The following PDE4D variants were observed in gnomAD, a reference collection of about 807,000 sequenced individuals.
PDE4D encodes 3',5'-cyclic-AMP phosphodiesterase 4D.
PDE4D carries 24 observed loss-of-function variants against 87.4 expected under a neutral mutation model. The ratio of observed to expected loss-of-function variants is 0.27; its 90% CI spans 0.20 to 0.39. PDE4D has a LOEUF of 0.39. PDE4D is among the 10% of genes least tolerant of loss of function. The pLI is 1.00. For synonymous variants in PDE4D, 384 were observed against 383.2 expected (o/e 1.00, Z -0.02); for missense variants, 714 against 1,041.0 (o/e 0.69, Z 4.32).
chr5:59,705,519 G>GA (rs1753257688), intron 1 of PDE4D, among the ~76,000 whole-genome samples: 1 of 152,098 alleles, frequency 6.6e-6, no homozygotes, highest in African/African-American at 2.4e-5. Context: ...TCTTTGAAAA[G>GA]AGAAACCATG....
intron 1 of PDE4D, among the ~76,000 whole-genome samples, chr5:60,384,495 G>A (rs963871220): frequency 6.6e-6 from 1 of 152,126 alleles, no homozygotes; most frequent in Non-Finnish European, 1.5e-5. Context: ...CCTGAAGTCT[G>A]ACCTTGCCAA....
At chr5:60,205,748 G>A (rs767248574) in intron 1 of PDE4D, among the ~76,000 whole-genome samples, 2 of 150,232 alleles carry the variant, frequency 1.3e-5, no homozygotes, top group Non-Finnish European at 3.0e-5. Context: ...AAAAAAATTA[G>A]CCAGGCGTGG....
intron 2 of PDE4D, among the ~76,000 whole-genome samples, chr5:60,024,968 C>A (rs1766468957): frequency 6.6e-6 from 1 of 151,894 alleles, no homozygotes. Context: ...GGTAGAACTC[C>A]TGGCAAGGGA....
At chr5:59,212,617 A>T (rs184253437) in intron 2 of PDE4D, among the ~76,000 whole-genome samples, 7 of 152,234 alleles carry the variant, frequency 4.6e-5, no homozygotes, top group African/African-American at 1.7e-4. Flanking sequence ...AAATATATGT[A>T]TATATTTAAT....
At chr5:59,996,612 T>A (rs1763549395) in intron 2 of PDE4D, among the ~76,000 whole-genome samples, 1 of 152,178 alleles carries the variant, frequency 6.6e-6, no homozygotes, top group Admixed American at 6.5e-5. Context: ...TTATGCCAAA[T>A]GTTTTTCCTC....
chr5:59,134,583 A>G (rs568168651), intron 5 of PDE4D, among the ~76,000 whole-genome samples: 15 of 152,318 alleles, frequency 9.8e-5, no homozygotes, highest in African/African-American at 3.6e-4. Context: ...CACATTTTAT[A>G]GAGAAAGCTA....
chr5:58,983,281 G>A (rs905493171), intron 11 of PDE4D, among the ~76,000 whole-genome samples: 1 of 152,252 alleles, frequency 6.6e-6, no homozygotes, highest in Non-Finnish European at 1.5e-5. Context: ...GCGACCACAT[G>A]TGTAGGCTGG....
chr5:59,812,615 G>A (rs1191880103), intron 1 of PDE4D, among the ~76,000 whole-genome samples: 1 of 151,918 alleles, frequency 6.6e-6, no homozygotes, highest in Non-Finnish European at 1.5e-5. Context: ...GGACGTTGCA[G>A]TGAGCCAAGA....
chr5:59,982,232 T>A (rs17375146), intron 3 of PDE4D, among the ~76,000 whole-genome samples: 40,232 of 152,058 alleles, frequency 0.26, 5,797 homozygotes, highest in Admixed American at 0.35. Flanking sequence ...ATACTAGGGA[T>A]GAGAAAGTGT....
At chr5:60,026,407 T>A (rs985841856) in intron 2 of PDE4D, among the ~76,000 whole-genome samples, 1 of 152,156 alleles carries the variant, frequency 6.6e-6, no homozygotes, top group Non-Finnish European at 1.5e-5. Flanking sequence ...TCTGGCCTTA[T>A]CTTCACACAT....
At chr5:59,868,315 T>C (rs1747342507) in intron 1 of PDE4D, among the ~76,000 whole-genome samples, 2 of 151,976 alleles carry the variant, frequency 1.3e-5, no homozygotes, top group South Asian at 4.2e-4. Flanking sequence ...GTGAGAAGAG[T>C]GACAATGTTT....
rs554329824 is a variant in PDE4D at position 60,063,362 on chromosome 5, T to C, written c.43-74645A>G. 3.9e-5 allele frequency among the ~76,000 whole-genome samples: 6 copies of C among 152,182 alleles called. No homozygotes were observed. In the East Asian group the frequency reaches 5.8e-4, roughly 15 times the overall value. On this transcript the variant is annotated intron_variant, in intron 2 of 16. Transcript: ENST00000502484. ...AAGTACAGAGAGGTTGGAAAAGGTG[T>C]GGGAAGTAGCATCAAGAAGGATGTT...
chr5:60,350,229 ATCAG>A (rs1053575700), intron 1 of PDE4D, among the ~76,000 whole-genome samples: 28 of 152,306 alleles, frequency 1.8e-4, no homozygotes, highest in African/African-American at 6.7e-4. Context: ...GTTCGAGCCT[ATCAG>A]TCAGTCTTGA....
intron 1 of PDE4D, among the ~76,000 whole-genome samples, chr5:60,304,651 C>CAAAAAAAAAAAAAAA (rs70975379): frequency 1.2e-3 from 71 of 60,054 alleles, no homozygotes; most frequent in African/African-American, 5.3e-3. Flanking sequence ...GACTCCGTCT[C>CAAAAAAAAAAAAAAA]AAAAAAAAAA....
intron 2 of PDE4D, among the ~76,000 whole-genome samples, chr5:60,153,457 T>C (rs1176832688): frequency 6.6e-6 from 1 of 152,212 alleles, no homozygotes; most frequent in Non-Finnish European, 1.5e-5. Context: ...TGGAAAACTG[T>C]ATGAAGCTTC....
chr5:60,028,490 TATA>T (rs1464825077), intron 2 of PDE4D, among the ~76,000 whole-genome samples: 3 of 152,208 alleles, frequency 2.0e-5, no homozygotes, highest in Admixed American at 2.0e-4. Context: ...TCTTCCTCAG[TATA>T]ATTTTTCCTT....
intron 1 of PDE4D, among the ~76,000 whole-genome samples, chr5:60,209,194 T>C (rs181788492): frequency 0.024 from 3,541 of 148,036 alleles, 51 homozygotes; most frequent in Middle Eastern, 0.073. Context: ...TTTCTTTTTT[T>C]TTTTTTTTTT....
intron 1 of PDE4D, among the ~76,000 whole-genome samples, chr5:59,343,231 T>C (rs977478164): frequency 1.2e-4 from 18 of 152,168 alleles, no homozygotes; most frequent in Admixed American, 3.3e-4. Flanking sequence ...TTGTTCTTAA[T>C]GATAGTCACC....
At chr5:59,826,069 G>C (rs1018630311) in intron 1 of PDE4D, among the ~76,000 whole-genome samples, 3 of 152,130 alleles carry the variant, frequency 2.0e-5, no homozygotes, top group African/African-American at 7.2e-5. Context: ...ATTCCTCATG[G>C]ATAGGAGTGA....
Sources: gnomAD v4.1 joint callset for allele counts (sites outside exome capture counted in the v4.1 genomes callset) on GRCh38, gnomAD v4.1.1 for gene constraint, MANE v1.5 for transcripts, NCBI Gene and HGNC (gene_info 2026-07-23, HGNC 2026-07-21) for gene names.